Variants in OVOL2 observed in about 807,000 individuals in gnomAD.
OVOL2 encodes ovo like zinc finger 2, also known as transcription factor Ovo-like 2.
Under a neutral mutation model 18.1 loss-of-function variants are expected in OVOL2, and 13 were observed. The observed-to-expected ratio is 0.72, with a 90% CI of 0.47 to 1.14. The LOEUF is 1.14. Among genes scored for constraint, OVOL2 ranks in the 50% most tolerant of loss-of-function variants. The probability of loss-of-function intolerance (pLI) is 0.00; values close to 1 mark genes in which losing one functional copy is unlikely to be tolerated. For missense variants in OVOL2, 335 were observed against 383.0 expected, an observed-to-expected ratio of 0.87 and a Z score of 1.05; for synonymous variants, 166 against 162.7, an observed-to-expected ratio of 1.02 and a Z score of -0.16.
At chr20:18,038,981 C>T (rs1231359733) in intron 3 of OVOL2, among the ~76,000 whole-genome samples, 5 of 152,138 alleles carry the variant, frequency 3.3e-5, no homozygotes, top group Non-Finnish European at 5.9e-5. Flanking sequence ...CAATGGCCAG[C>T]TTAGACTCAC....
chr20:18,024,452 C>A lies in OVOL2; in HGVS notation c.*184G>T. 3 of 1,309,824 alleles carry A rather than the reference C, an allele frequency of 2.3e-6. No homozygotes were observed. The highest frequency in any genetic ancestry group is 1.0e-6 in the Non-Finnish European group (1 of 991,904). The allele number at this position is 1,309,824 out of a possible 1,614,324, so 81.1% of individuals were successfully genotyped here. ...GCCAGACAGGACACAGGTTACAGGG[C>A]CTGACGTCACTAACGGCAACTGACA... On this transcript the variant is annotated 3_prime_UTR_variant, in exon 4 of 4. Transcript: ENST00000278780.
chr20:18,024,533 C>A lies in OVOL2; in HGVS notation c.*103G>T. ...CAAAAGGACACAGAGGTGAACTGGTCACTTCTAATTAAGAAGAGCCAGTGG... is the reference window on the plus strand; with the variant it reads ...CAAAAGGACACAGAGGTGAACTGGTAACTTCTAATTAAGAAGAGCCAGTGG... On this transcript the variant is annotated 3_prime_UTR_variant, in exon 4 of 4. Transcript: ENST00000278780. 6.9e-7 allele frequency: 1 copy of A among 1,456,914 alleles called. No individual in the cohort carries two copies. Among genetic ancestry groups the A allele is most frequent in the Non-Finnish European group, 9.1e-7 (1 of 1,103,272 alleles). 90.2% of individuals were successfully genotyped at this position (1,456,914 alleles called of 1,614,324 possible). A position where few individuals can be genotyped will look rare whatever the true frequency, so the allele number is the denominator to read the frequency against.
chr20:18,039,429 C>T (rs545816978), intron 3 of OVOL2, among the ~76,000 whole-genome samples: 3 of 151,918 alleles, frequency 2.0e-5, no homozygotes, highest in East Asian at 3.9e-4. Context: ...TGAGACCAGC[C>T]TGGGCAACAT....
chr20:18,055,166 C>T (rs1054130814), intron 2 of OVOL2, among the ~76,000 whole-genome samples: 1 of 152,084 alleles, frequency 6.6e-6, no homozygotes, highest in South Asian at 2.1e-4. Context: ...AGGATTCCAA[C>T]GGCCCTGTGT....
At chr20:18,041,404 C>A in intron 3 of OVOL2, 130 bp downstream of exon 3, 1 of 1,138,428 alleles carries the variant, frequency 8.8e-7, no homozygotes, top group Non-Finnish European at 1.2e-6. Flanking sequence ...ACCTCGTGAT[C>A]CGCATCTTGT....
At chr20:18,028,943 C>T (rs1352627841) in intron 3 of OVOL2, among the ~76,000 whole-genome samples, 1 of 152,128 alleles carries the variant, frequency 6.6e-6, no homozygotes, top group African/African-American at 2.4e-5. Context: ...TTTGTCACCC[C>T]ATGCACCTCT....
At chr20:18,055,172 T>A (rs73252031) in intron 2 of OVOL2, among the ~76,000 whole-genome samples, 1 of 152,112 alleles carries the variant, frequency 6.6e-6, no homozygotes, top group African/African-American at 2.4e-5. Flanking sequence ...CCAACGGCCC[T>A]GTGTGCCTGA....
intron 3 of OVOL2, among the ~76,000 whole-genome samples, chr20:18,033,234 C>T (rs933243663): frequency 1.3e-5 from 2 of 152,142 alleles, no homozygotes; most frequent in African/African-American, 2.4e-5. Context: ...ATGTAGGCCC[C>T]GATGGAAGAT....
chr20:18,033,006 G>T (rs1189151481), intron 3 of OVOL2, among the ~76,000 whole-genome samples: 2 of 152,126 alleles, frequency 1.3e-5, no homozygotes, highest in East Asian at 1.9e-4. Flanking sequence ...TGAAGCGAGG[G>T]TTTGTTAACT....
chr20:18,057,637 T>G lies in OVOL2; in HGVS notation c.-3A>C, dbSNP rs1568642478. ...TTCACCAGGAAGACTTTGGGCATGG[T>G]GGGGTCCCCTCTCCCGACTGCGGCC... is the stretch of plus-strand genomic sequence containing the variant. On this transcript the variant is annotated 5_prime_UTR_variant, in exon 1 of 4. Transcript: ENST00000278780. The surrounding 1 kb of genome is among the most constrained non-coding windows in gnomAD (Gnocchi z 6.3). 7 of 1,572,402 alleles carry G rather than the reference T, an allele frequency of 4.5e-6. No homozygotes were observed. The South Asian group carries it at 8.1e-5, about 18-fold the overall frequency.
At position 18,056,160 on chromosome 20, in the gene OVOL2, A is replaced by T. The variant is rs2122730816; in HGVS notation, c.321+497T>A. Among the ~76,000 whole-genome samples the T allele has an allele frequency of 1.3e-5, 2 of 152,310 alleles. No homozygotes were observed. The highest frequency in any genetic ancestry group is 4.1e-4 in the South Asian group (2 of 4,824). ...AACCGGTTCATGTTGGGAGAGGCCC[A>T]CTATGTGTCAAGCTGCCGCCCAGGT... is the stretch of plus-strand genomic sequence containing the variant. On this transcript the variant is annotated intron_variant, in intron 2 of 3. Coordinates refer to ENST00000278780, the MANE Select transcript of OVOL2 (RefSeq NM_021220.4). This position sits in a 1 kb window ranked among gnomAD's most constrained non-coding sequence, Gnocchi z 4.2.
chr20:18,058,482 T>C (rs2036851438), upstream of OVOL2, among the ~76,000 whole-genome samples: 1 of 146,044 alleles, frequency 6.8e-6, no homozygotes, highest in African/African-American at 2.5e-5. Context: ...ACTAGTATCA[T>C]ACAATCTAAG....
chr20:18,058,980 C>A (rs2036854870), upstream of OVOL2: 1 of 152,298 alleles, frequency 6.6e-6, no homozygotes, highest in South Asian at 2.1e-4. Context: ...TCGCCCTCCT[C>A]CAGGAGGTCG....
intron 3 of OVOL2, among the ~76,000 whole-genome samples, chr20:18,038,281 A>C (rs2036637244): frequency 6.6e-6 from 1 of 152,232 alleles, no homozygotes; most frequent in African/African-American, 2.4e-5. Context: ...ACTACTAATA[A>C]TAGCTAATAT....
intron 3 of OVOL2, among the ~76,000 whole-genome samples, chr20:18,026,339 C>T (rs940548457): frequency 5.2e-4 from 79 of 152,130 alleles, no homozygotes; most frequent in African/African-American, 1.9e-3. Flanking sequence ...ACTCACTTCT[C>T]CTAAGACCAA....
chr20:18,024,987 G>A (rs770461618), intron 3 of OVOL2, 35 bp from the exon 4 acceptor site: 4 of 1,582,360 alleles, frequency 2.5e-6, no homozygotes, highest in Non-Finnish European at 3.4e-6. Context: ...GCATCGGTTG[G>A]TCATGGCCAA....
At chr20:18,036,938 C>T (rs1375122688) in intron 3 of OVOL2, among the ~76,000 whole-genome samples, 2 of 151,858 alleles carry the variant, frequency 1.3e-5, no homozygotes, top group African/African-American at 4.8e-5. Flanking sequence ...AGATCGAGAC[C>T]ATCCTGGCTA....
chr20:18,028,512 G>T (rs1454954349), intron 3 of OVOL2, among the ~76,000 whole-genome samples: 2 of 152,044 alleles, frequency 1.3e-5, no homozygotes, highest in East Asian at 3.9e-4. Flanking sequence ...TAAAAAATAG[G>T]CTGGGTGCGG....
chr20:18,057,432 A>G lies in OVOL2; in HGVS notation c.100+103T>C. 1 of 1,314,642 alleles carries G rather than the reference A, an allele frequency of 7.6e-7. No homozygotes were observed. The highest frequency in any genetic ancestry group is 1.0e-6 in the Non-Finnish European group (1 of 960,102). The allele number at this position is 1,314,642 out of a possible 1,614,324, so 81.4% of individuals were successfully genotyped here. A position where few individuals can be genotyped will look rare whatever the true frequency, so the allele number is the denominator to read the frequency against. On this transcript the variant is annotated intron_variant, in intron 1 of 3. Transcript: ENST00000278780. This position sits in a 1 kb window ranked among gnomAD's most constrained non-coding sequence, Gnocchi z 6.3. ...CCCGCGTGCCCCCCGGAAGAGGGGG[A>G]TGAGGTGGGGAGCCCGCCCCTGCCG... is the stretch of plus-strand genomic sequence containing the variant.
Sources: allele counts gnomAD v4.1 joint callset (sites outside exome capture counted in the v4.1 genomes callset), GRCh38; gene constraint gnomAD v4.1.1; non-coding constraint Gnocchi (gnomAD v3.1); transcripts MANE v1.5; gene names NCBI Gene and HGNC (gene_info 2026-07-23, HGNC 2026-07-21).